PLCE1: variants seen among roughly 807,000 people sequenced by gnomAD.
PLCE1 encodes the protein phospholipase C epsilon 1.
PLCE1 carries 119 observed loss-of-function variants against 242.8 expected under a neutral mutation model. That is an observed-to-expected ratio of 0.49 (90% confidence interval 0.42 to 0.57). The LOEUF is 0.57. Among genes scored for constraint, PLCE1 ranks in the 20% least tolerant of loss-of-function variants. The pLI, the probability that PLCE1 is intolerant of heterozygous loss-of-function variation, is 0.00. For synonymous variants in PLCE1, 945 were observed against 1,017.4 expected, an observed-to-expected ratio of 0.93 and a Z score of 1.35; for missense variants, 2,441 against 2,788.8, an observed-to-expected ratio of 0.88 and a Z score of 2.81.
At chr10:94,265,574 A>C in intron 14 of PLCE1, 73 bp from the exon 15 acceptor site, 1 of 1,243,110 alleles carries the variant, frequency 8.0e-7, no homozygotes, top group Non-Finnish European at 1.2e-6. Context: ...GCTTTAAAAA[A>C]TGATGTGGTG....
chr10:94,294,909 CTTTTTTTTTTTT>C (rs766555881), intron 23 of PLCE1, among the ~76,000 whole-genome samples: 1 of 101,494 alleles, frequency 9.9e-6, no homozygotes, highest in African/African-American at 3.9e-5. Context: ...CATGATAGAA[CTTTTTTTTTTTT>C]TTTTTTTTTT....
chr10:94,307,115 G>A (rs1405303906), intron 26 of PLCE1, among the ~76,000 whole-genome samples: 1 of 152,194 alleles, frequency 6.6e-6, no homozygotes, highest in Admixed American at 6.5e-5. Flanking sequence ...GGTTTCAGGT[G>A]CAGGAAGAGG....
intron 2 of PLCE1, among the ~76,000 whole-genome samples, chr10:94,043,575 C>T (rs570995800): frequency 6.6e-6 from 1 of 152,286 alleles, no homozygotes; most frequent in Admixed American, 6.5e-5. Context: ...TGGAAAGCCC[C>T]ATAGCTTCAT....
chr10:94,138,001 G>A, intron 3 of PLCE1: 1 of 382,272 alleles, frequency 2.6e-6, no homozygotes, highest in East Asian at 6.8e-5. Context: ...AGTACAGCCA[G>A]CAGGCACAGA....
chr10:94,184,437 G>A (rs1488434586), intron 4 of PLCE1, among the ~76,000 whole-genome samples: 1 of 152,178 alleles, frequency 6.6e-6, no homozygotes, highest in East Asian at 1.9e-4. Context: ...TGAAGTGATT[G>A]TCCTGCCTCA....
At chr10:94,318,455 T>C (rs1589534262) in intron 29 of PLCE1, among the ~76,000 whole-genome samples, 1 of 152,218 alleles carries the variant, frequency 6.6e-6, no homozygotes, top group African/African-American at 2.4e-5. Flanking sequence ...TCAAACACTA[T>C]GTTGAATGAT....
chr10:94,093,930 A>ATTTAT (rs1554852849), intron 2 of PLCE1, among the ~76,000 whole-genome samples: 2 of 93,050 alleles, frequency 2.1e-5, no homozygotes, highest in African/African-American at 9.9e-5. Context: ...TTTAATCGGT[A>ATTTAT]TTTCTTTTTT....
chr10:94,300,636 C>T (rs1357833353), intron 24 of PLCE1, among the ~76,000 whole-genome samples: 1 of 150,862 alleles, frequency 6.6e-6, no homozygotes, highest in African/African-American at 2.4e-5. Context: ...ACAGTAGATG[C>T]TCAGTAAATG....
chr10:94,162,142 C>A (rs1235174230), intron 3 of PLCE1, among the ~76,000 whole-genome samples: 4 of 152,124 alleles, frequency 2.6e-5, no homozygotes, highest in Non-Finnish European at 2.9e-5. Context: ...CTCTGCCAGG[C>A]TTTGGTATCA....
At chr10:94,214,755 G>T (rs2049460210) in intron 4 of PLCE1, among the ~76,000 whole-genome samples, 1 of 152,122 alleles carries the variant, frequency 6.6e-6, no homozygotes, top group African/African-American at 2.4e-5. Context: ...TGACTTGCGG[G>T]CTTACTTTTG....
At chr10:94,124,314 G>T (rs1222096758) in intron 2 of PLCE1, among the ~76,000 whole-genome samples, 1 of 151,196 alleles carries the variant, frequency 6.6e-6, no homozygotes, top group Non-Finnish European at 1.5e-5. Context: ...AGAGGTCAAG[G>T]CTGCAGTGAG....
chr10:94,145,397 C>A (rs2047082668), intron 3 of PLCE1, among the ~76,000 whole-genome samples: 1 of 152,172 alleles, frequency 6.6e-6, no homozygotes, highest in Non-Finnish European at 1.5e-5. Flanking sequence ...TGTTAATGCT[C>A]CCCCTACCCC....
At chr10:94,162,384 GGA>G (rs1294302973) in intron 3 of PLCE1, among the ~76,000 whole-genome samples, 1 of 152,126 alleles carries the variant, frequency 6.6e-6, no homozygotes, top group Non-Finnish European at 1.5e-5. Context: ...TTTAGTCTTG[GGA>G]GGGTGTATGT....
intron 2 of PLCE1, among the ~76,000 whole-genome samples, chr10:94,077,257 C>T (rs961347302): frequency 3.9e-5 from 6 of 152,122 alleles, no homozygotes; most frequent in African/African-American, 9.7e-5. Flanking sequence ...ACTGGGGTGA[C>T]GGGATGCTAC....
intron 3 of PLCE1, among the ~76,000 whole-genome samples, chr10:94,158,233 A>G (rs1781531210): frequency 6.6e-6 from 1 of 152,110 alleles, no homozygotes; most frequent in Admixed American, 6.5e-5. Context: ...CCATATCTAG[A>G]AGGTTAGCCA....
intron 1 of PLCE1, among the ~76,000 whole-genome samples, chr10:94,003,327 G>T (rs1360743278): frequency 7.2e-5 from 11 of 152,182 alleles, no homozygotes; most frequent in African/African-American, 2.7e-4. Context: ...TTAAGCAAAA[G>T]ATGAAAGGCA....
chr10:94,066,921 G>A (rs752498206), intron 2 of PLCE1, among the ~76,000 whole-genome samples: 10 of 152,140 alleles, frequency 6.6e-5, no homozygotes, highest in African/African-American at 2.4e-4. Flanking sequence ...CTATTCGCAC[G>A]TTTGCCTTCC....
intron 4 of PLCE1, among the ~76,000 whole-genome samples, chr10:94,175,558 A>G (rs577881228): frequency 2.6e-5 from 4 of 152,302 alleles, no homozygotes; most frequent in African/African-American, 9.6e-5. Context: ...GATCCGTTGT[A>G]TTAAAAACAA....
intron 31 of PLCE1, 78 bp from the exon 32 acceptor site, chr10:94,324,814 G>C: frequency 7.2e-7 from 1 of 1,387,624 alleles, no homozygotes. Context: ...AGAGGAAAGC[G>C]CTCTTCTGAA....
Sources: allele counts gnomAD v4.1 joint callset (sites outside exome capture counted in the v4.1 genomes callset), GRCh38; gene constraint gnomAD v4.1.1; transcripts MANE v1.5; gene names NCBI Gene and HGNC (gene_info 2026-07-23, HGNC 2026-07-21).